The following IQCJ variants were observed in gnomAD, a reference collection of about 807,000 sequenced individuals.
The protein encoded by IQCJ is IQ domain-containing protein J.
Under a neutral mutation model 11.0 loss-of-function variants are expected in IQCJ, and 9 were observed. The observed-to-expected ratio is 0.82, with a 90% CI of 0.49 to 1.43. The LOEUF is 1.43. IQCJ is among the 40% of genes most tolerant of loss of function. The pLI is 0.00. For missense variants in IQCJ, 146 were observed against 133.2 expected (o/e 1.10, Z -0.47); for synonymous variants, 55 against 51.3 (o/e 1.07, Z -0.31).
At chr3:159,076,879 T>A (rs1226360193) in intron 1 of IQCJ, among the ~76,000 whole-genome samples, 2 of 152,094 alleles carry the variant, frequency 1.3e-5, no homozygotes, top group South Asian at 2.1e-4. Flanking sequence ...GTGCCTTAGT[T>A]TTTTTGTCTA....
chr3:159,142,541 C>T (rs1302599018), intron 1 of IQCJ, among the ~76,000 whole-genome samples: 2 of 152,104 alleles, frequency 1.3e-5, no homozygotes, highest in African/African-American at 2.4e-5. Context: ...CTCAGCTTCT[C>T]GAGTTGCTGG....
chr3:159,092,776 A>T (rs1717421805), intron 1 of IQCJ, among the ~76,000 whole-genome samples: 1 of 147,002 alleles, frequency 6.8e-6, no homozygotes, highest in African/African-American at 2.5e-5. Flanking sequence ...CTGTTATAAG[A>T]TAATATTTCT....
At chr3:159,254,106 C>T (rs1727759439) in intron 3 of IQCJ, among the ~76,000 whole-genome samples, 1 of 152,180 alleles carries the variant, frequency 6.6e-6, no homozygotes, top group South Asian at 2.1e-4. Flanking sequence ...CTACACAGGA[C>T]ATTAGTTGGC....
intron 1 of IQCJ, among the ~76,000 whole-genome samples, chr3:159,132,864 C>T (rs1720069733): frequency 6.6e-6 from 1 of 152,100 alleles, no homozygotes; most frequent in Admixed American, 6.6e-5. Flanking sequence ...CTACATGACC[C>T]TCCGTTTAAA....
chr3:159,161,671 G>A (rs1433355771), intron 1 of IQCJ, among the ~76,000 whole-genome samples: 2 of 152,112 alleles, frequency 1.3e-5, no homozygotes, highest in East Asian at 1.9e-4. Context: ...TAGGTCTAAC[G>A]TTTAAGTTTT....
Position 159,104,618 on chromosome 3 carries a change from C to T in IQCJ, c.9+35177C>T, listed in dbSNP as rs773058800. On this transcript the variant is annotated intron_variant, in intron 1 of 3. Coordinates refer to ENST00000397832, the MANE Select transcript of IQCJ (RefSeq NM_001042706.3). The stretch of plus-strand genomic sequence containing the variant: ...CCTGTTCTCCTGGAGCTCCTGCCCA[C>T]CTTAGTGGCCTCCTCGCCCGCCATT... Among the ~76,000 whole-genome samples, 11 of 152,298 alleles carry T rather than the reference C, an allele frequency of 7.2e-5. No homozygotes were observed. In the Middle Eastern group the frequency reaches 0.01, roughly 141 times the overall value.
chr3:159,102,644 C>T (rs1200683489), intron 1 of IQCJ, among the ~76,000 whole-genome samples: 1 of 152,146 alleles, frequency 6.6e-6, no homozygotes, highest in Non-Finnish European at 1.5e-5. Context: ...GCACTAATGG[C>T]TTTGAAGTTG....
At chr3:159,233,281 C>T (rs955505595) in intron 1 of IQCJ, among the ~76,000 whole-genome samples, 1 of 152,046 alleles carries the variant, frequency 6.6e-6, no homozygotes, top group Admixed American at 6.6e-5. Flanking sequence ...GGCTTAGGCT[C>T]TATCTGCTAG....
chr3:159,200,179 A>G (rs1019939798), intron 1 of IQCJ, among the ~76,000 whole-genome samples: 1 of 145,112 alleles, frequency 6.9e-6, no homozygotes, highest in Non-Finnish European at 1.5e-5. Flanking sequence ...TGGCACTACT[A>G]CTTGCCACGT....
intron 1 of IQCJ, among the ~76,000 whole-genome samples, chr3:159,142,637 C>T (rs1056694144): frequency 2.0e-5 from 3 of 152,132 alleles, no homozygotes; most frequent in Admixed American, 6.5e-5. Context: ...AGGCTGGTCT[C>T]GAACTCCTGA....
intron 1 of IQCJ, among the ~76,000 whole-genome samples, chr3:159,230,450 G>T (rs554145579): frequency 2.6e-5 from 4 of 152,200 alleles, no homozygotes; most frequent in African/African-American, 9.6e-5. Context: ...AATTATGCTG[G>T]ATGCTAAAAT....
chr3:159,168,098 C>T (rs969471797), intron 1 of IQCJ, among the ~76,000 whole-genome samples: 1 of 152,084 alleles, frequency 6.6e-6, no homozygotes, highest in Non-Finnish European at 1.5e-5. Context: ...GGTGAGAGGG[C>T]ACTGATGGTG....
At chr3:159,104,625 G>T (rs1559986464) in intron 1 of IQCJ, among the ~76,000 whole-genome samples, 1 of 152,128 alleles carries the variant, frequency 6.6e-6, no homozygotes, top group African/African-American at 2.4e-5. Flanking sequence ...CCACCTTAGT[G>T]GCCTCCTCGC....
intron 1 of IQCJ, among the ~76,000 whole-genome samples, chr3:159,167,233 A>G (rs957118546): frequency 6.6e-6 from 1 of 152,232 alleles, no homozygotes; most frequent in South Asian, 2.1e-4. Context: ...GCTTTTTATA[A>G]CATGAGTTTT....
At chr3:159,261,295 G>A (rs75152753) in intron 3 of IQCJ, among the ~76,000 whole-genome samples, 1,555 of 152,230 alleles carry the variant, frequency 0.01, 23 homozygotes, top group African/African-American at 0.036. Flanking sequence ...CAACTAGTCC[G>A]CATGAACTGT....
At chr3:159,146,155 T>C (rs895108483) in intron 1 of IQCJ, among the ~76,000 whole-genome samples, 6 of 152,152 alleles carry the variant, frequency 3.9e-5, no homozygotes, top group Non-Finnish European at 4.4e-5. Flanking sequence ...GTAGAGACCA[T>C]CCCACTATTC....
At chr3:159,132,492 A>C (rs1264248050) in intron 1 of IQCJ, among the ~76,000 whole-genome samples, 2 of 152,206 alleles carry the variant, frequency 1.3e-5, no homozygotes, top group Non-Finnish European at 2.9e-5. Flanking sequence ...TTCCAGTAGG[A>C]GAAAGATGGG....
At chr3:159,224,228 C>T (rs1725713291) in intron 1 of IQCJ, among the ~76,000 whole-genome samples, 1 of 152,118 alleles carries the variant, frequency 6.6e-6, no homozygotes, top group Admixed American at 6.6e-5. Flanking sequence ...GAGAGGCTCC[C>T]ACTGCCCCAA....
intron 1 of IQCJ, among the ~76,000 whole-genome samples, chr3:159,152,230 G>A (rs898178990): frequency 2.6e-5 from 4 of 152,302 alleles, no homozygotes; most frequent in South Asian, 2.1e-4. Context: ...GAGCTGTTCC[G>A]TAACGTAATG....
Sources: gnomAD v4.1 joint callset for allele counts (sites outside exome capture counted in the v4.1 genomes callset) on GRCh38, gnomAD v4.1.1 for gene constraint, MANE v1.5 for transcripts, NCBI Gene and HGNC (gene_info 2026-07-23, HGNC 2026-07-21) for gene names.